AFG2A: variants seen among roughly 807,000 people sequenced by gnomAD.
AFG2A encodes the protein AAA ATPase AFG2A, also known as ATPase family gene 2 protein homolog A.
chr4:123,009,622 T>C, the AFG2A span, among the ~76,000 whole-genome samples: 2 of 152,304 alleles, frequency 1.3e-5, no homozygotes, highest in Non-Finnish European at 2.9e-5. Flanking sequence ...TTCTCTGGGC[T>C]GTGACAATTT....
At chr4:123,280,784 T>C in the AFG2A span, among the ~76,000 whole-genome samples, 1 of 152,196 alleles carries the variant, frequency 6.6e-6, no homozygotes, top group South Asian at 2.1e-4. Context: ...TTTAATTCCA[T>C]GTGTAACCCT....
chr4:122,971,784 C>T, the AFG2A span, among the ~76,000 whole-genome samples: 3 of 152,050 alleles, frequency 2.0e-5, no homozygotes, highest in African/African-American at 4.8e-5. Flanking sequence ...TTGAGATAGT[C>T]ATATGAACTC....
the AFG2A span, among the ~76,000 whole-genome samples, chr4:123,059,980 T>C: frequency 0.012 from 1,838 of 152,324 alleles, 42 homozygotes; most frequent in African/African-American, 0.041. Context: ...TCATGTCCTT[T>C]GCCCACTTTT....
At chr4:123,175,682 G>A in the AFG2A span, among the ~76,000 whole-genome samples, 1 of 152,210 alleles carries the variant, frequency 6.6e-6, no homozygotes, top group Admixed American at 6.5e-5. Flanking sequence ...ATAATGTTGT[G>A]TATCCCAGGA....
At chr4:123,197,347 A>G in the AFG2A span, among the ~76,000 whole-genome samples, 1 of 152,196 alleles carries the variant, frequency 6.6e-6, no homozygotes, top group Non-Finnish European at 1.5e-5. Flanking sequence ...GGGTTAAGAG[A>G]ACATAGGCAT....
At chr4:123,300,696 T>C in the AFG2A span, among the ~76,000 whole-genome samples, 1 of 152,186 alleles carries the variant, frequency 6.6e-6, no homozygotes, top group East Asian at 1.9e-4. Context: ...ACTTGGATTT[T>C]GCATTCCTTA....
chr4:123,173,358 T>TTTTTTTTTTC, the AFG2A span, among the ~76,000 whole-genome samples: 1 of 121,742 alleles, frequency 8.2e-6, no homozygotes. Flanking sequence ...TTTTTTTTTT[T>TTTTTTTTTTC]TTTTTTTTTT....
chr4:123,118,355 A>ATATATAT, the AFG2A span, among the ~76,000 whole-genome samples: 100 of 134,706 alleles, frequency 7.4e-4, 1 homozygote, highest in African/African-American at 2.7e-3. Context: ...TATATATATT[A>ATATATAT]TATATATATA....
the AFG2A span, among the ~76,000 whole-genome samples, chr4:122,964,332 C>T: frequency 1.3e-5 from 2 of 151,664 alleles, no homozygotes; most frequent in African/African-American, 2.4e-5. Flanking sequence ...GGTGAAACCC[C>T]GTCTCTACTA....
At chr4:123,062,929 A>G in the AFG2A span, among the ~76,000 whole-genome samples, 5 of 152,218 alleles carry the variant, frequency 3.3e-5, no homozygotes, top group African/African-American at 1.2e-4. Context: ...GTTCCATTCA[A>G]GGAAATAGAG....
chr4:122,973,885 C>T, the AFG2A span, among the ~76,000 whole-genome samples: 1 of 152,094 alleles, frequency 6.6e-6, no homozygotes, highest in African/African-American at 2.4e-5. Flanking sequence ...ACAGTGTTGC[C>T]CAGGCTAGTC....
chr4:122,953,243 C>A, the AFG2A span, among the ~76,000 whole-genome samples: 1 of 152,152 alleles, frequency 6.6e-6, no homozygotes, highest in Non-Finnish European at 1.5e-5. Context: ...GATAAGATAT[C>A]CATTCTCAAG....
At chr4:123,306,028 A>T in the AFG2A span, among the ~76,000 whole-genome samples, 1 of 152,332 alleles carries the variant, frequency 6.6e-6, no homozygotes, top group East Asian at 1.9e-4. Flanking sequence ...TCACAAGTGG[A>T]GCTGTCTCGC....
At chr4:123,177,554 C>G in the AFG2A span, among the ~76,000 whole-genome samples, 9,303 of 152,182 alleles carry the variant, frequency 0.061, 951 homozygotes, top group African/African-American at 0.21. Context: ...TACCTCCACT[C>G]TAGTCCTCTT....
chr4:123,024,920 C>T, the AFG2A span, among the ~76,000 whole-genome samples: 1 of 152,094 alleles, frequency 6.6e-6, no homozygotes, highest in African/African-American at 2.4e-5. Context: ...CCCAGTGTGT[C>T]TCTCCCCAGT....
the AFG2A span, among the ~76,000 whole-genome samples, chr4:123,268,114 T>C: frequency 6.6e-6 from 1 of 151,960 alleles, no homozygotes; most frequent in South Asian, 2.1e-4. Context: ...TAAATATGAA[T>C]TGAAAACTAA....
At chr4:123,238,187 G>A in the AFG2A span, among the ~76,000 whole-genome samples, 2 of 152,216 alleles carry the variant, frequency 1.3e-5, no homozygotes, top group East Asian at 1.9e-4. Context: ...CTCAAACTGG[G>A]TGGAGCCCAC....
chr4:123,067,405 T>C, the AFG2A span, among the ~76,000 whole-genome samples: 3 of 152,076 alleles, frequency 2.0e-5, no homozygotes, highest in Middle Eastern at 3.4e-3. Flanking sequence ...TAGTCCCAGC[T>C]ACTCGAGAGG....
the AFG2A span, among the ~76,000 whole-genome samples, chr4:123,229,371 G>A: frequency 6.6e-6 from 1 of 151,988 alleles, no homozygotes; most frequent in Non-Finnish European, 1.5e-5. Flanking sequence ...TGCAGAGGTT[G>A]AAGAGAGCAT....
Sources: gnomAD v4.1 joint callset for allele counts (sites outside exome capture counted in the v4.1 genomes callset) on GRCh38, gnomAD v4.1.1 for gene constraint, MANE v1.5 for transcripts, NCBI Gene and HGNC (gene_info 2026-07-23, HGNC 2026-07-21) for gene names.